Variants in OPA1 observed in about 807,000 individuals in gnomAD.
The protein encoded by OPA1 is OPA1 mitochondrial dynamin like GTPase, also known as dynamin-like GTPase OPA1, mitochondrial.
In OPA1, 59 loss-of-function variants were observed where a neutral mutation model predicts 152.9. That is an observed-to-expected ratio of 0.39 (90% CI 0.31 to 0.48). The LOEUF (loss-of-function observed/expected upper bound fraction) is 0.48. Among genes scored for constraint, OPA1 ranks in the 20% least tolerant of loss-of-function variants. The probability of loss-of-function intolerance (pLI) is 0.96; values close to 1 mark genes in which losing one functional copy is unlikely to be tolerated. For synonymous variants in OPA1, 400 were observed against 389.9 expected (o/e 1.03, Z -0.31); for missense variants, 1,008 against 1,216.8 (o/e 0.83, Z 2.55).
At chr3:193,619,023 C>A in intron 6 of OPA1, 87 bp downstream of exon 6, 1 of 1,046,276 alleles carries the variant, frequency 9.6e-7, no homozygotes, top group Non-Finnish European at 1.5e-6. Flanking sequence ...AAAATGATAA[C>A]ATCTGAGAAG....
chr3:193,635,597 A>G, intron 9 of OPA1, 75 bp downstream of exon 9: 1 of 857,868 alleles, frequency 1.2e-6, no homozygotes, highest in South Asian at 1.3e-5. Flanking sequence ...CCAGTTTCTA[A>G]GGAGCTGTAA....
intron 13 of OPA1, 128 bp from the exon 14 acceptor site, chr3:193,643,245 C>T: frequency 1.1e-6 from 1 of 870,846 alleles, no homozygotes; most frequent in Non-Finnish European, 1.9e-6. Flanking sequence ...AGAAAGAATA[C>T]CATTTTTGTG....
At chr3:193,682,620 G>C (rs1720332187) in intron 29 of OPA1, among the ~76,000 whole-genome samples, 1 of 152,142 alleles carries the variant, frequency 6.6e-6, no homozygotes. Flanking sequence ...TTACCATTCT[G>C]AAAATCCTAG....
intron 6 of OPA1, among the ~76,000 whole-genome samples, chr3:193,622,588 C>T (rs1163395238): frequency 1.3e-5 from 2 of 151,990 alleles, no homozygotes; most frequent in Non-Finnish European, 2.9e-5. Context: ...TCTTTTTTCC[C>T]GCGTGTTTAG....
intron 1 of OPA1, among the ~76,000 whole-genome samples, chr3:193,593,951 C>T (rs967078948): frequency 1.3e-5 from 2 of 152,250 alleles, no homozygotes; most frequent in Non-Finnish European, 1.5e-5. Context: ...AGCAATGACG[C>T]ACACGGTGTC....
chr3:193,654,727 G>GTATGTGTATATATACCTGTA, intron 21 of OPA1, 135 bp from the exon 22 acceptor site: 1 of 842,410 alleles, frequency 1.2e-6, no homozygotes, highest in Non-Finnish European at 1.9e-6. Flanking sequence ...CGATTTACAG[G>GTATGTGTATATATACCTGTA]TATATACACA....
At chr3:193,661,943 A>C (rs903908371) in intron 25 of OPA1, among the ~76,000 whole-genome samples, 1 of 152,234 alleles carries the variant, frequency 6.6e-6, no homozygotes, top group Non-Finnish European at 1.5e-5. Context: ...AGTTCCATTT[A>C]CAAGTTAATT....
At chr3:193,654,831 A>C in intron 21 of OPA1, 31 bp from the exon 22 acceptor site, 7 of 1,606,682 alleles carry the variant, frequency 4.4e-6, no homozygotes, top group Non-Finnish European at 6.0e-6. Context: ...TTATATTTAG[A>C]TTTGGTGCTT....
chr3:193,656,768 A>C (rs1213043416), intron 22 of OPA1, among the ~76,000 whole-genome samples: 1 of 152,172 alleles, frequency 6.6e-6, no homozygotes, highest in African/African-American at 2.4e-5. Context: ...CAGTTAGTCC[A>C]AGAGAAGCCG....
intron 30 of OPA1, among the ~76,000 whole-genome samples, chr3:193,692,782 GACCTCGCTC>G (rs1721855696): frequency 1.3e-5 from 2 of 152,308 alleles, no homozygotes; most frequent in Admixed American, 1.3e-4. Flanking sequence ...CTTGAGAGGA[GACCTCGCTC>G]TGCCACCCAG....
intron 8 of OPA1, chr3:193,631,889 G>A (rs1052077491): frequency 3.5e-6 from 2 of 579,404 alleles, no homozygotes; most frequent in East Asian, 2.8e-5. Flanking sequence ...CCTATTTTGA[G>A]TGAATCTTAT....
Position 193,638,084 on chromosome 3 carries a change from T to A in OPA1, c.1149+19T>A. The A allele has an allele frequency of 6.4e-7, 1 of 1,562,040 alleles. No individual in the cohort carries two copies. The highest frequency in any genetic ancestry group is 2.2e-5 in the East Asian group (1 of 44,622). Reference sequence around the variant, plus strand: ...AGTTAAGGTAAGAACATAGGCCGTCTCAGTGAGGTTCCTTAGGAGAGTAAC... The same window carrying A: ...AGTTAAGGTAAGAACATAGGCCGTCACAGTGAGGTTCCTTAGGAGAGTAAC... On this transcript the variant is annotated intron_variant, in intron 11 of 30. Coordinates refer to ENST00000361510, the MANE Select transcript of OPA1 (RefSeq NM_130837.3).
intron 13 of OPA1, 84 bp downstream of exon 13, chr3:193,643,133 G>A (rs972215321): frequency 1.8e-6 from 2 of 1,134,190 alleles, no homozygotes; most frequent in Non-Finnish European, 2.6e-6. Flanking sequence ...AGGTATTGAT[G>A]TTTAGATTGC....
chr3:193,622,471 T>G (rs943068835), intron 6 of OPA1, among the ~76,000 whole-genome samples: 1 of 151,990 alleles, frequency 6.6e-6, no homozygotes, highest in Admixed American at 6.6e-5. Flanking sequence ...TCATGGTCCG[T>G]CCACCTCTGC....
intron 29 of OPA1, among the ~76,000 whole-genome samples, chr3:193,675,334 A>AC (rs1198602076): frequency 4.2e-5 from 5 of 118,992 alleles, no homozygotes; most frequent in South Asian, 2.7e-4. Context: ...TAAGAAAAAA[A>AC]AAAAAAAAAA....
intron 11 of OPA1, among the ~76,000 whole-genome samples, chr3:193,640,037 G>C (rs1733526352): frequency 6.6e-6 from 1 of 152,140 alleles, no homozygotes; most frequent in Non-Finnish European, 1.5e-5. Flanking sequence ...GATCAGGTTT[G>C]GGGGAAGAAG....
chr3:193,675,312 A>AT (rs535999762), intron 29 of OPA1, among the ~76,000 whole-genome samples: 3,422 of 120,576 alleles, frequency 0.028, 50 homozygotes, highest in Non-Finnish European at 0.033. Flanking sequence ...TTCAGAGGAG[A>AT]TTTTTTTTTT....
intron 29 of OPA1, among the ~76,000 whole-genome samples, chr3:193,678,573 C>T (rs570690213): frequency 6.6e-6 from 1 of 152,134 alleles, no homozygotes; most frequent in African/African-American, 2.4e-5. Context: ...GCTCAGTGGG[C>T]TAGATTTTTT....
intron 1 of OPA1, among the ~76,000 whole-genome samples, chr3:193,609,487 A>G (rs1727838797): frequency 6.6e-6 from 1 of 152,034 alleles, no homozygotes; most frequent in Admixed American, 6.6e-5. Flanking sequence ...CCTTCATTTC[A>G]ACTTTGGTGA....
Sources: gnomAD v4.1 joint callset for allele counts (sites outside exome capture counted in the v4.1 genomes callset) on GRCh38, gnomAD v4.1.1 for gene constraint, MANE v1.5 for transcripts, NCBI Gene and HGNC (gene_info 2026-07-23, HGNC 2026-07-21) for gene names.